BCL2L14: variants seen among roughly 807,000 people sequenced by gnomAD.
BCL2L14 encodes apoptosis facilitator Bcl-2-like protein 14.
Under a neutral mutation model 35.3 loss-of-function variants are expected in BCL2L14, and 27 were observed. The observed-to-expected ratio is 0.76, with a 90% CI of 0.56 to 1.05. The LOEUF (loss-of-function observed/expected upper bound fraction) is 1.05. BCL2L14 is among the 50% of genes least tolerant of loss of function. The pLI, the probability that BCL2L14 is intolerant of heterozygous loss-of-function variation, is 0.00. For synonymous variants in BCL2L14, 139 were observed against 145.9 expected (o/e 0.95, Z 0.34); for missense variants, 377 against 382.6 (o/e 0.99, Z 0.12).
chr12:12,069,649 A>T (rs1360112848), upstream of BCL2L14, among the ~76,000 whole-genome samples: 1 of 150,704 alleles, frequency 6.6e-6, no homozygotes, highest in Admixed American at 6.6e-5. Context: ...TGGAGCTTGC[A>T]GTGAGCCAAG....
chr12:12,061,718 G>A lies in BCL2L14; in HGVS notation c.-272+9871G>A, dbSNP rs920788288. ...CCTGGACTGACCCTGACACCCATCA[G>A]GCTCAGCAAATTACCTGGGCTGTAC... On this transcript the variant is annotated intron_variant, in intron 2 of 3. Transcript: ENST00000461264. Among the ~76,000 whole-genome samples, 3 of 152,250 alleles carry A rather than the reference G, an allele frequency of 2.0e-5. No homozygotes were observed. The South Asian group carries it at 6.2e-4, about 32-fold the overall frequency.
At chr12:12,049,949 G>T (rs971229346) in exon 1 of BCL2L14, 2 of 152,144 alleles carry the variant, frequency 1.3e-5, no homozygotes, top group Admixed American at 6.6e-5. Flanking sequence ...ATTGTAAGGG[G>T]GAAATGTGAG....
chr12:12,087,141 G>A (rs562008092), intron 2 of BCL2L14, 72 bp from the exon 3 acceptor site: 122 of 1,512,956 alleles, frequency 8.1e-5, no homozygotes, highest in Non-Finnish European at 1.0e-4. Flanking sequence ...TTCATTCCAG[G>A]CAACTTTGCA....
Position 12,098,361 on chromosome 12 carries a change from T to A in BCL2L14, c.946-589T>A, listed in dbSNP as rs535504220. On this transcript the variant is annotated intron_variant, in intron 5 of 5. Coordinates refer to ENST00000308721, the MANE Select transcript of BCL2L14 (RefSeq NM_138723.2). ...CTCATCTTCCCAACTAAACTGCAAA[T>A]CTGTAAGGGTGAGATCATGTTTTTA... 3.0e-4 allele frequency among the ~76,000 whole-genome samples: 45 copies of A among 152,304 alleles called. No individual in the cohort carries two copies. The South Asian group carries it at 9.3e-3, about 32-fold the overall frequency.
At chr12:12,082,607 G>A (rs978615599) in intron 2 of BCL2L14, among the ~76,000 whole-genome samples, 3 of 151,978 alleles carry the variant, frequency 2.0e-5, no homozygotes, top group Non-Finnish European at 2.9e-5. Flanking sequence ...TCTTTTTTCA[G>A]TAGGGAAAGA....
At chr12:12,057,219 T>A (rs1363600085) in intron 2 of BCL2L14, among the ~76,000 whole-genome samples, 1 of 152,220 alleles carries the variant, frequency 6.6e-6, no homozygotes, top group Admixed American at 6.5e-5. Context: ...GGGAGACTAT[T>A]TGCATTATAA....
chr12:12,074,224 T>C (rs1948731637), intron 1 of BCL2L14, among the ~76,000 whole-genome samples: 1 of 152,110 alleles, frequency 6.6e-6, no homozygotes, highest in African/African-American at 2.4e-5. Context: ...GGCAGTCCTA[T>C]AATCATTCAT....
At chr12:12,085,032 C>T (rs536606361) in intron 2 of BCL2L14, among the ~76,000 whole-genome samples, 12 of 149,564 alleles carry the variant, frequency 8.0e-5, no homozygotes, top group East Asian at 2.0e-4. Context: ...TGCAGCGAGC[C>T]GAGATCGTGC....
At chr12:12,069,569 T>C (rs752622590), upstream of BCL2L14, among the ~76,000 whole-genome samples, 1 of 150,842 alleles carries the variant, frequency 6.6e-6, no homozygotes. Context: ...TTATCCAGGC[T>C]TGGTGGCGGG....
upstream of BCL2L14, among the ~76,000 whole-genome samples, chr12:12,066,416 A>G (rs1948594557): frequency 6.6e-6 from 1 of 152,198 alleles, no homozygotes; most frequent in South Asian, 2.1e-4. Flanking sequence ...TTACTCAGTG[A>G]TGGGCAAAAA....
At position 12,079,289 on chromosome 12, in the gene BCL2L14, G is replaced by A; in HGVS notation, c.-7-10G>A. 6.2e-7 allele frequency: 1 copy of A among 1,607,440 alleles called. No individual in the cohort carries two copies. Among genetic ancestry groups the A allele is most frequent in the Admixed American group, 1.7e-5 (1 of 59,504 alleles). On this transcript the variant is annotated splice_polypyrimidine_tract_variant and intron_variant, in intron 1 of 5. Coordinates refer to ENST00000308721, the MANE Select transcript of BCL2L14 (RefSeq NM_138723.2). ...CATAGAAGGGCACAGTGTGGACTTT[G>A]TTGTTACAGGCCCAACATGTGTAGC...
chr12:12,058,289 T>C (rs1948464033), intron 2 of BCL2L14, among the ~76,000 whole-genome samples: 2 of 151,620 alleles, frequency 1.3e-5, no homozygotes, highest in Non-Finnish European at 2.9e-5. Context: ...GAGTCTCTGT[T>C]GCCCAGGCTA....
At position 12,079,279 on chromosome 12, in the gene BCL2L14, T is replaced by A. The variant is rs747924373; in HGVS notation, c.-7-20T>A. 1 of 1,602,100 alleles carries A rather than the reference T, an allele frequency of 6.2e-7. No homozygotes were observed. Among genetic ancestry groups the A allele is most frequent in the South Asian group, 1.1e-5 (1 of 88,446 alleles). ...AGTGGCCCTGCATAGAAGGGCACAG[T>A]GTGGACTTTGTTGTTACAGGCCCAA... On this transcript the variant is annotated intron_variant, in intron 1 of 5. Transcript: ENST00000308721.
At chr12:12,072,409 G>C (rs1253467247) in intron 1 of BCL2L14, 3 of 152,356 alleles carry the variant, frequency 2.0e-5, no homozygotes, top group Non-Finnish European at 2.9e-5. Flanking sequence ...GCTGGGGCCA[G>C]ACGTGGAGGA....
chr12:12,052,815 G>C (rs1948376200), intron 2 of BCL2L14, among the ~76,000 whole-genome samples: 1 of 152,160 alleles, frequency 6.6e-6, no homozygotes, highest in Admixed American at 6.5e-5. Context: ...TAAGAGCCCT[G>C]AACGAGATAA....
chr12:12,065,729 A>G (rs1292196635), intron 2 of BCL2L14, among the ~76,000 whole-genome samples: 1 of 151,686 alleles, frequency 6.6e-6, no homozygotes. Context: ...GTCTCCAGCG[A>G]CTGAGAATCT....
At chr12:12,090,177 C>G (rs1233359499) in intron 3 of BCL2L14, among the ~76,000 whole-genome samples, 2 of 152,112 alleles carry the variant, frequency 1.3e-5, no homozygotes, top group African/African-American at 4.8e-5. Flanking sequence ...TCTTCAACAA[C>G]AAGCTTAAGG....
rs1029106525 is a variant in BCL2L14, at chr12:12,094,784, G to C, written c.799G>C (p.Ala267Pro). 8.1e-6 allele frequency: 13 copies of C among 1,614,058 alleles called. No homozygotes were observed. In the African/African-American group the frequency reaches 1.3e-4, roughly 17 times the overall value. ...CCCCAGGGGAGAATCAGAGGTCAAA[G>C]CTCAGGGCTTTAAGGCTGCCCTTGT... ...VDPRGESEVKAQGFKAALVID... is the reference protein window; with the variant it reads ...VDPRGESEVKPQGFKAALVID... The change falls in exon 5 of 6, where the codon GCT becomes CCT. Residue 267 changes from alanine to proline, a missense_variant. By Grantham distance (27) the Ala-to-Pro change is conservative. Transcript: ENST00000308721.
intron 2 of BCL2L14, among the ~76,000 whole-genome samples, chr12:12,062,416 T>C (rs1948539665): frequency 6.7e-6 from 1 of 149,198 alleles, no homozygotes; most frequent in Non-Finnish European, 1.5e-5. Flanking sequence ...AAAGGCAGGC[T>C]ATACTATAGT....
Sources: gnomAD v4.1 joint callset for allele counts (sites outside exome capture counted in the v4.1 genomes callset) on GRCh38, gnomAD v4.1.1 for gene constraint, MANE v1.5 for transcripts, NCBI Gene and HGNC (gene_info 2026-07-23, HGNC 2026-07-21) for gene names.